The following PLEKHA6 variants were observed in gnomAD, a reference collection of about 807,000 sequenced individuals.
PLEKHA6 encodes the protein pleckstrin homology domain-containing family A member 6.
PLEKHA6 carries 60 observed loss-of-function variants against 116.7 expected under a neutral mutation model. That is an observed-to-expected ratio of 0.51 (90% CI 0.42 to 0.64). PLEKHA6 has a LOEUF of 0.64. Ranked by LOEUF, PLEKHA6 falls within the 30% of genes least tolerant of loss-of-function variation. PLEKHA6 has a pLI of 0.00. For missense variants in PLEKHA6, 1,338 were observed against 1,422.7 expected, an observed-to-expected ratio of 0.94 and a Z score of 0.96; for synonymous variants, 489 against 556.1, an observed-to-expected ratio of 0.88 and a Z score of 1.70.
At chr1:204,344,599 CAAAAAAA>C (rs58633345) in intron 1 of PLEKHA6, among the ~76,000 whole-genome samples, 1 of 121,642 alleles carries the variant, frequency 8.2e-6, no homozygotes, top group Non-Finnish European at 1.7e-5. Flanking sequence ...GACTCCATCT[CAAAAAAA>C]AAAAAAAAAA....
At chr1:204,324,158 G>A (rs1173610573) in intron 1 of PLEKHA6, among the ~76,000 whole-genome samples, 1 of 152,112 alleles carries the variant, frequency 6.6e-6, no homozygotes, top group African/African-American at 2.4e-5. Flanking sequence ...TCAGCTGCAC[G>A]AGGACTTCAG....
chr1:204,275,758 C>G (rs11240713), intron 1 of PLEKHA6: 357,584 of 973,194 alleles, frequency 0.37, 66,898 homozygotes, highest in East Asian at 0.54. Flanking sequence ...TAAGCGGTGA[C>G]TACTTGGCAA....
At chr1:204,347,143 A>G (rs1010351681) in intron 1 of PLEKHA6, 117 of 1,119,942 alleles carry the variant, frequency 1.0e-4, no homozygotes, top group Non-Finnish European at 1.5e-4. Context: ...GATGTCTACA[A>G]TATCACCTTT....
At position 204,228,204 on chromosome 1, in the gene PLEKHA6, G is replaced by A. The variant is rs775281065; in HGVS notation, c.2910C>T (p.Gly970=). 44 of 1,609,608 alleles carry A rather than the reference G, an allele frequency of 2.7e-5. No homozygotes were observed. The highest frequency in any genetic ancestry group is 4.0e-5 in the African/African-American group (3 of 74,788). Residue 970 remains glycine, a synonymous_variant, in exon 21 of 23, where the codon GGC becomes GGT. Transcript: ENST00000272203. The surrounding 1 kb of genome is among the most constrained non-coding windows in gnomAD (Gnocchi z 4.0). ...KSSMQNVVPI[G]EGDSVDVPQD... is the part of the protein sequence containing the mutation. ...GGGGCACGTCCACAGAGTCCCCCTC[G>A]CCGATGGGCACCACGTTCTGCATAC...
intron 3 of PLEKHA6, among the ~76,000 whole-genome samples, chr1:204,269,847 T>C (rs969597122): frequency 2.6e-5 from 4 of 152,190 alleles, no homozygotes; most frequent in African/African-American, 9.6e-5. Context: ...TGATGTCTTC[T>C]CCTTAGCAGA....
chr1:204,335,621 C>T (rs571359093), intron 1 of PLEKHA6, among the ~76,000 whole-genome samples: 61 of 152,206 alleles, frequency 4.0e-4, no homozygotes, highest in African/African-American at 1.4e-3. Flanking sequence ...CCAGGACTGG[C>T]AGTGCCAGGG....
At chr1:204,267,406 T>C (rs1666950986) in intron 5 of PLEKHA6, 69 bp downstream of exon 5, 3 of 1,373,390 alleles carry the variant, frequency 2.2e-6, no homozygotes, top group Non-Finnish European at 2.1e-6. Context: ...CTCGGGGATA[T>C]GGCAGAATGA....
At position 204,257,486 on chromosome 1, in the gene PLEKHA6, G is replaced by A; in HGVS notation, c.1391C>T (p.Ser464Phe). 6.3e-7 allele frequency: 1 copy of A among 1,581,278 alleles called. No homozygotes were observed. Among genetic ancestry groups the A allele is most frequent in the Non-Finnish European group, 8.6e-7 (1 of 1,162,142 alleles). ...GGAGTAAATGCGGGCACGGCTGTAG[G>A]AGCCCTGGCTGGGTGAGCGGGGCAC... is the stretch of plus-strand genomic sequence containing the variant. The part of the protein sequence containing the change: ...HSVPRSPSQG[S>F]YSRARIYSPV... The change falls in exon 9 of 23, where the codon TCC becomes TTC. Residue 464 changes from serine to phenylalanine, a missense_variant. Coordinates refer to ENST00000272203, the MANE Select transcript of PLEKHA6 (RefSeq NM_014935.5). The surrounding 1 kb of genome is among the most constrained non-coding windows in gnomAD (Gnocchi z 6.5).
At chr1:204,232,538 T>C (rs965567379) in intron 17 of PLEKHA6, among the ~76,000 whole-genome samples, 3 of 152,216 alleles carry the variant, frequency 2.0e-5, no homozygotes, top group Non-Finnish European at 4.4e-5. Context: ...AAAGGGGGTC[T>C]ACAAAGTTTT....
intron 1 of PLEKHA6, among the ~76,000 whole-genome samples, chr1:204,341,058 G>A (rs1337698448): frequency 1.3e-5 from 2 of 152,162 alleles, no homozygotes; most frequent in South Asian, 2.1e-4. Flanking sequence ...GCCTGGCCAC[G>A]GTGCTCTACC....
chr1:204,363,341 G>C (rs1355589083), upstream of PLEKHA6, among the ~76,000 whole-genome samples: 1 of 152,242 alleles, frequency 6.6e-6, no homozygotes, highest in Non-Finnish European at 1.5e-5. Flanking sequence ...CCGTAGGCGC[G>C]CCAGGGCCGT....
At chr1:204,231,353 G>A (rs1417390496) in intron 17 of PLEKHA6, among the ~76,000 whole-genome samples, 4 of 152,166 alleles carry the variant, frequency 2.6e-5, no homozygotes, top group Non-Finnish European at 5.9e-5. Context: ...ATAGAGTTAT[G>A]CCTCAGTATC....
chr1:204,244,978 G>A lies in PLEKHA6; in HGVS notation c.2058C>T (p.Tyr686=), dbSNP rs1400907079. The change falls in exon 15 of 23, where the codon TAC becomes TAT. Residue 686 remains tyrosine (Y), a synonymous_variant. Coordinates refer to ENST00000272203, the MANE Select transcript of PLEKHA6 (RefSeq NM_014935.5). ...GGGGGCTGGCCGGGCTGTTGGAGCT[G>A]TAGGTGGCTGAGGGGCCAAGTCCTC... ...HRGGLGPSAT[Y]SSNSPASPLS... is the part of the protein sequence containing the mutation. The A allele has an allele frequency of 2.1e-6, 3 of 1,452,622 alleles. No individual in the cohort carries two copies. The highest frequency in any genetic ancestry group is 2.8e-5 in the Admixed American group (1 of 36,306). 90.0% of individuals were successfully genotyped at this position (1,452,622 alleles called of 1,614,324 possible).
At chr1:204,291,830 T>C (rs1669795971) in intron 1 of PLEKHA6, among the ~76,000 whole-genome samples, 1 of 152,332 alleles carries the variant, frequency 6.6e-6, no homozygotes, top group South Asian at 2.1e-4. Context: ...GATGGATATA[T>C]GTTAATTATC....
chr1:204,343,625 C>T (rs1006921952), intron 1 of PLEKHA6, among the ~76,000 whole-genome samples: 1 of 152,100 alleles, frequency 6.6e-6, no homozygotes, highest in African/African-American at 2.4e-5. Context: ...CTGGTACCAC[C>T]GTGTGGAAGT....
intron 11 of PLEKHA6, 71 bp downstream of exon 11, chr1:204,249,113 A>C: frequency 6.8e-7 from 1 of 1,475,360 alleles, no homozygotes; most frequent in Non-Finnish European, 9.5e-7. Context: ...GGTTGGAGAC[A>C]GCAGCCCACA....
chr1:204,249,516 A>C (rs1435604095), intron 10 of PLEKHA6, among the ~76,000 whole-genome samples: 1 of 151,864 alleles, frequency 6.6e-6, no homozygotes, highest in Non-Finnish European at 1.5e-5. Context: ...CAAGTGTTAA[A>C]CTCTGGCACC....
At chr1:204,272,355 G>T (rs1472122902) in intron 3 of PLEKHA6, among the ~76,000 whole-genome samples, 1 of 152,022 alleles carries the variant, frequency 6.6e-6, no homozygotes, top group Non-Finnish European at 1.5e-5. Context: ...TCTTTCTCCT[G>T]AACCTACTAC....
chr1:204,250,400 A>G (rs1020267995), intron 10 of PLEKHA6, 146 bp downstream of exon 10: 33 of 656,178 alleles, frequency 5.0e-5, no homozygotes, highest in South Asian at 3.7e-4. Flanking sequence ...ACATGAATCA[A>G]AGGTATGAAA....
Sources: gnomAD v4.1 joint callset for allele counts (sites outside exome capture counted in the v4.1 genomes callset) on GRCh38, gnomAD v4.1.1 for gene constraint, Gnocchi (gnomAD v3.1) non-coding constraint, MANE v1.5 for transcripts, NCBI Gene and HGNC (gene_info 2026-07-23, HGNC 2026-07-21) for gene names.